The following GPC6 variants were observed in gnomAD, a reference collection of about 807,000 sequenced individuals.
The protein encoded by GPC6 is glypican-6.
Under a neutral mutation model 55.2 loss-of-function variants are expected in GPC6, and 14 were observed. The ratio of observed to expected loss-of-function variants is 0.25; its 90% CI spans 0.17 to 0.40. The LOEUF (loss-of-function observed/expected upper bound fraction) is 0.40, where lower values mean the gene tolerates loss of function less well. GPC6 is among the 10% of genes least tolerant of loss of function. The pLI, the probability that GPC6 is intolerant of heterozygous loss-of-function variation, is 1.00. For missense variants in GPC6, 641 were observed against 708.5 expected (o/e 0.90, Z 1.08); for synonymous variants, 278 against 259.6 (o/e 1.07, Z -0.68).
intron 4 of GPC6, among the ~76,000 whole-genome samples, chr13:94,088,813 G>T (rs1407603491): frequency 1.3e-5 from 2 of 152,100 alleles, no homozygotes; most frequent in Non-Finnish European, 2.9e-5. Context: ...AATCCAGAAA[G>T]CTCTACTCAT....
intron 4 of GPC6, among the ~76,000 whole-genome samples, chr13:94,031,256 G>A (rs1400776647): frequency 6.6e-6 from 1 of 152,102 alleles, no homozygotes; most frequent in African/African-American, 2.4e-5. Flanking sequence ...ATAAGAAAAA[G>A]AAACTCCATT....
At chr13:93,393,127 T>TATATATATATATATATAGAGAGAGAG (rs1230857277) in intron 1 of GPC6, among the ~76,000 whole-genome samples, 8 of 87,610 alleles carry the variant, frequency 9.1e-5, no homozygotes, top group African/African-American at 3.2e-4. Flanking sequence ...TATATATATA[T>TATATATATATATATATAGAGAGAGAG]AGAGAGAGAG....
At chr13:93,561,126 A>G (rs1875762244) in intron 2 of GPC6, among the ~76,000 whole-genome samples, 1 of 152,160 alleles carries the variant, frequency 6.6e-6, no homozygotes, top group African/African-American at 2.4e-5. Context: ...TTGTCTTCAC[A>G]AAATATTTCT....
chr13:93,319,267 A>G (rs1879347221), intron 1 of GPC6, among the ~76,000 whole-genome samples: 1 of 152,016 alleles, frequency 6.6e-6, no homozygotes, highest in Admixed American at 6.6e-5. Context: ...TAGGCTGTTT[A>G]TTTTCTCACT....
intron 1 of GPC6, among the ~76,000 whole-genome samples, chr13:93,289,115 A>G (rs1307786627): frequency 1.3e-5 from 2 of 152,214 alleles, no homozygotes; most frequent in African/African-American, 4.8e-5. Flanking sequence ...ATACTGACCC[A>G]TAACTGGATT....
chr13:93,251,688 C>G (rs893082203), intron 1 of GPC6, among the ~76,000 whole-genome samples: 2 of 152,106 alleles, frequency 1.3e-5, no homozygotes, highest in Non-Finnish European at 2.9e-5. Context: ...CTCCTTTTCC[C>G]CATTCCTTCA....
At chr13:93,575,517 A>G (rs1876615553) in intron 2 of GPC6, among the ~76,000 whole-genome samples, 1 of 152,158 alleles carries the variant, frequency 6.6e-6, no homozygotes, top group South Asian at 2.1e-4. Context: ...TACCTGAGTA[A>G]CAAGTTCCCA....
At chr13:93,494,730 A>G (rs1475587143) in intron 1 of GPC6, among the ~76,000 whole-genome samples, 1 of 151,176 alleles carries the variant, frequency 6.6e-6, no homozygotes, top group Non-Finnish European at 1.5e-5. Flanking sequence ...TGGTGACAAA[A>G]TCTCTCAGCA....
chr13:93,686,653 G>A (rs778268066), intron 2 of GPC6, among the ~76,000 whole-genome samples: 20 of 152,110 alleles, frequency 1.3e-4, no homozygotes, highest in Non-Finnish European at 2.6e-4. Flanking sequence ...AACATACATT[G>A]TGAATCATTC....
chr13:93,736,330 A>C (rs1227853752), intron 2 of GPC6, among the ~76,000 whole-genome samples: 1 of 152,230 alleles, frequency 6.6e-6, no homozygotes, highest in Non-Finnish European at 1.5e-5. Flanking sequence ...GTGACAGCAC[A>C]CTGACATCCA....
intron 2 of GPC6, among the ~76,000 whole-genome samples, chr13:93,641,816 T>G (rs1246354667): frequency 1.3e-5 from 2 of 152,110 alleles, no homozygotes; most frequent in Admixed American, 1.3e-4. Context: ...ATCAAGATAT[T>G]GTTTAATAAA....
At chr13:94,147,652 A>G (rs567585943) in intron 4 of GPC6, among the ~76,000 whole-genome samples, 3 of 152,284 alleles carry the variant, frequency 2.0e-5, no homozygotes, top group Non-Finnish European at 4.4e-5. Flanking sequence ...CAAAGATCAG[A>G]TCACTTACCC....
chr13:93,835,179 C>A (rs73551737), intron 3 of GPC6, among the ~76,000 whole-genome samples: 4,400 of 152,282 alleles, frequency 0.029, 77 homozygotes, highest in South Asian at 0.065. Flanking sequence ...TCTGGCATGG[C>A]ATGGTGTCTC....
chr13:93,237,098 G>C (rs1261606090), intron 1 of GPC6, among the ~76,000 whole-genome samples: 1 of 152,180 alleles, frequency 6.6e-6, no homozygotes, highest in Non-Finnish European at 1.5e-5. Context: ...TAGTGGGATT[G>C]CTGGATTGAA....
chr13:93,269,663 C>T (rs184369251), intron 1 of GPC6, among the ~76,000 whole-genome samples: 26 of 151,586 alleles, frequency 1.7e-4, no homozygotes, highest in South Asian at 4.2e-4. Context: ...CGGTGGCTCA[C>T]GCCTGTAATC....
chr13:93,773,095 C>A (rs1217923445), intron 2 of GPC6, among the ~76,000 whole-genome samples: 9 of 150,872 alleles, frequency 6.0e-5, no homozygotes, highest in African/African-American at 2.2e-4. Flanking sequence ...AAGAATTCAG[C>A]AAAAAGAAAA....
chr13:93,870,484 T>G (rs1889096383), intron 3 of GPC6, among the ~76,000 whole-genome samples: 2 of 152,006 alleles, frequency 1.3e-5, no homozygotes, highest in Admixed American at 1.3e-4. Context: ...TCCAATTGTT[T>G]TTCTAGTTAT....
intron 2 of GPC6, among the ~76,000 whole-genome samples, chr13:93,617,340 G>A (rs143954068): frequency 6.0e-4 from 91 of 152,066 alleles, no homozygotes; most frequent in Non-Finnish European, 8.2e-4. Flanking sequence ...CTCTGTAATG[G>A]AGCCTTTGTC....
chr13:93,276,555 A>C lies in GPC6; in HGVS notation c.160+48939A>C, dbSNP rs1172305987. On this transcript the variant is annotated intron_variant, in intron 1 of 8. Coordinates refer to ENST00000377047, the MANE Select transcript of GPC6 (RefSeq NM_005708.5). The stretch of plus-strand genomic sequence containing the variant: ...GTGTGTGATAGAGGCACAGGAGAAG[A>C]ATCCCTGTGAATGGATGGAAGACAT... 2.0e-5 allele frequency among the ~76,000 whole-genome samples: 3 copies of C among 151,090 alleles called. No homozygotes were observed. The East Asian group carries it at 5.9e-4, about 30-fold the overall frequency.
Sources: gnomAD v4.1 joint callset for allele counts (sites outside exome capture counted in the v4.1 genomes callset) on GRCh38, gnomAD v4.1.1 for gene constraint, MANE v1.5 for transcripts, NCBI Gene and HGNC (gene_info 2026-07-23, HGNC 2026-07-21) for gene names.